ARHGEF10L: variants seen among roughly 807,000 people sequenced by gnomAD.
ARHGEF10L encodes the protein Rho guanine nucleotide exchange factor 10 like.
Under a neutral mutation model 141.2 loss-of-function variants are expected in ARHGEF10L, and 69 were observed. The ratio of observed to expected loss-of-function variants is 0.49; its 90% confidence interval spans 0.40 to 0.60. The LOEUF is 0.60. ARHGEF10L is among the 20% of genes least tolerant of loss of function. ARHGEF10L has a pLI of 0.00. For synonymous variants in ARHGEF10L, 711 were observed against 718.5 expected, an observed-to-expected ratio of 0.99 and a Z score of 0.17; for missense variants, 1,482 against 1,734.3, an observed-to-expected ratio of 0.85 and a Z score of 2.58.
At chr1:17,566,474 G>C (rs2077760859) in intron 1 of ARHGEF10L, among the ~76,000 whole-genome samples, 1 of 152,214 alleles carries the variant, frequency 6.6e-6, no homozygotes, top group Non-Finnish European at 1.5e-5. Flanking sequence ...CATGTACCTT[G>C]GGAGCATCAG....
At chr1:17,655,380 C>T (rs2062165190) in intron 23 of ARHGEF10L, among the ~76,000 whole-genome samples, 1 of 151,982 alleles carries the variant, frequency 6.6e-6, no homozygotes, top group Non-Finnish European at 1.5e-5. Context: ...ATCCATCCAC[C>T]CACCCACCCA....
chr1:17,677,798 C>A (rs564481729), intron 26 of ARHGEF10L, among the ~76,000 whole-genome samples: 1 of 152,334 alleles, frequency 6.6e-6, no homozygotes, highest in South Asian at 2.1e-4. Context: ...GGAGCTGAAC[C>A]CTGTAGGTCT....
intron 18 of ARHGEF10L, among the ~76,000 whole-genome samples, chr1:17,636,654 A>G: frequency 6.6e-6 from 1 of 152,192 alleles, no homozygotes; most frequent in African/African-American, 2.4e-5. Flanking sequence ...CATTGTCCAC[A>G]TCCCAAGCTC....
intron 16 of ARHGEF10L, among the ~76,000 whole-genome samples, chr1:17,633,058 C>T (rs1161818430): frequency 2.0e-5 from 3 of 152,184 alleles, no homozygotes; most frequent in Non-Finnish European, 4.4e-5. Context: ...GCTTTAGGCT[C>T]CTGGGTATCT....
chr1:17,649,088 C>T (rs970914552), intron 22 of ARHGEF10L, among the ~76,000 whole-genome samples: 4 of 152,200 alleles, frequency 2.6e-5, no homozygotes, highest in Admixed American at 6.5e-5. Context: ...TCAGGCCTCC[C>T]GTGTATTGAG....
the ARHGEF10L span, among the ~76,000 whole-genome samples, chr1:17,521,789 T>C: frequency 6.6e-6 from 1 of 152,092 alleles, no homozygotes; most frequent in Non-Finnish European, 1.5e-5. Context: ...GCTGCTACCA[T>C]AGGAGAATGG....
chr1:17,628,585 G>A (rs1276233198), intron 15 of ARHGEF10L, among the ~76,000 whole-genome samples: 1 of 152,118 alleles, frequency 6.6e-6, no homozygotes, highest in Non-Finnish European at 1.5e-5. Context: ...CAGGCCCTGG[G>A]CACATTGCAG....
intron 22 of ARHGEF10L, among the ~76,000 whole-genome samples, chr1:17,651,483 C>T (rs2061933153): frequency 6.6e-6 from 1 of 152,198 alleles, no homozygotes; most frequent in Admixed American, 6.5e-5. Context: ...TTGGATTCTC[C>T]TGTCTCCCCC....
At chr1:17,624,954 C>G (rs1167203456) in intron 13 of ARHGEF10L, among the ~76,000 whole-genome samples, 1 of 152,246 alleles carries the variant, frequency 6.6e-6, no homozygotes, top group African/African-American at 2.4e-5. Flanking sequence ...CTTCTGAGTT[C>G]TCATGTGCCC....
At chr1:17,542,247 G>A (rs927771411) in intron 1 of ARHGEF10L, among the ~76,000 whole-genome samples, 9 of 151,966 alleles carry the variant, frequency 5.9e-5, no homozygotes, top group African/African-American at 1.7e-4. Flanking sequence ...GCAGGTGTTC[G>A]GGACCAGCCT....
At chr1:17,626,955 G>A (rs909984413) in intron 14 of ARHGEF10L, among the ~76,000 whole-genome samples, 1 of 152,230 alleles carries the variant, frequency 6.6e-6, no homozygotes, top group African/African-American at 2.4e-5. Flanking sequence ...TCCTTTTCAA[G>A]GCTGAATAAT....
the ARHGEF10L span, among the ~76,000 whole-genome samples, chr1:17,525,303 C>T: frequency 1.2e-3 from 186 of 152,308 alleles, 4 homozygotes; most frequent in African/African-American, 4.3e-3. Flanking sequence ...GATAAGCATC[C>T]GTTCTATCTG....
At chr1:17,628,341 A>C (rs2060495685) in intron 15 of ARHGEF10L, among the ~76,000 whole-genome samples, 1 of 152,150 alleles carries the variant, frequency 6.6e-6, no homozygotes, top group Non-Finnish European at 1.5e-5. Flanking sequence ...AAAGGAAAAA[A>C]ACCAAACAAA....
Position 17,554,344 on chromosome 1 carries a change from G to C in ARHGEF10L, c.-44+14394G>C, listed in dbSNP as rs181059648. 1.2e-3 allele frequency among the ~76,000 whole-genome samples: 178 copies of C among 152,274 alleles called. 3 individuals are homozygous for C. The South Asian group carries it at 0.034, about 29-fold the overall frequency. ...GGCCTCAGCTATTTACAGAGAAGGGGACTTGGGAGCAGAGAGAGGATGCGG... is the reference window on the plus strand; with the variant it reads ...GGCCTCAGCTATTTACAGAGAAGGGCACTTGGGAGCAGAGAGAGGATGCGG... On this transcript the variant is annotated intron_variant, in intron 1 of 28. Transcript: ENST00000361221.
At chr1:17,664,664 C>T in intron 26 of ARHGEF10L, 69 bp downstream of exon 26, 3 of 1,411,758 alleles carry the variant, frequency 2.1e-6, no homozygotes, top group South Asian at 3.1e-5. Context: ...TTCTTATGTC[C>T]ACCCCGGCAC....
At chr1:17,685,501 T>C (rs1206656385) in intron 26 of ARHGEF10L, among the ~76,000 whole-genome samples, 2 of 152,218 alleles carry the variant, frequency 1.3e-5, no homozygotes, top group Non-Finnish European at 2.9e-5. Context: ...TCACTAAATG[T>C]CACCTCCTAG....
Position 17,692,365 on chromosome 1 carries a change from G to A in ARHGEF10L, c.3185-2793G>A, listed in dbSNP as rs111976659. 6.0e-3 allele frequency among the ~76,000 whole-genome samples: 919 copies of A among 152,006 alleles called. 8 individuals carry two copies. Among genetic ancestry groups the A allele is most frequent in the African/African-American group, 0.021 (864 of 41,434 alleles). On this transcript the variant is annotated intron_variant, in intron 27 of 28. Coordinates refer to ENST00000361221, the MANE Select transcript of ARHGEF10L (RefSeq NM_018125.4). ...CACCGCCTGCTTGATAGCTCCATTC[G>A]GGTGTGTCTAATTTGTGTCTCAGAC... is the stretch of plus-strand genomic sequence containing the variant.
chr1:17,664,297 GCCA>G, intron 25 of ARHGEF10L, 147 bp from the exon 26 acceptor site: 1 of 865,450 alleles, frequency 1.2e-6, no homozygotes, highest in Non-Finnish European at 1.7e-6. Flanking sequence ...GATGGGGACA[GCCA>G]CCACCCAGCT....
At position 17,587,651 on chromosome 1, in the gene ARHGEF10L, A is replaced by T. The variant is rs201287762; in HGVS notation, c.223+6A>T. 2.3e-3 allele frequency: 3,699 copies of T among 1,605,098 alleles called. 5 individuals are homozygous for T. The highest frequency in any genetic ancestry group is 2.6e-3 in the Non-Finnish European group (3,042 of 1,174,636). On this transcript the variant is annotated splice_donor_region_variant and intron_variant, in intron 3 of 28. Transcript: ENST00000361221. ...GGACTCCATCCCTGTCACTGGTAAG[A>T]TGTTTCTGGGAACTTCCGGTCCTGG...
Sources: allele counts gnomAD v4.1 joint callset (sites outside exome capture counted in the v4.1 genomes callset), GRCh38; gene constraint gnomAD v4.1.1; transcripts MANE v1.5; gene names NCBI Gene and HGNC (gene_info 2026-07-23, HGNC 2026-07-21).